The following ZP1 variants were observed in gnomAD, a reference collection of about 807,000 sequenced individuals.
ZP1 encodes the protein zona pellucida sperm-binding protein 1.
Under a neutral mutation model 67.4 loss-of-function variants are expected in ZP1, and 58 were observed. The ratio of observed to expected loss-of-function variants is 0.86; its 90% CI spans 0.70 to 1.07. ZP1 has a LOEUF of 1.07. Ranked by LOEUF, ZP1 falls within the 50% of genes least tolerant of loss-of-function variation. ZP1 has a pLI of 0.00. For missense variants in ZP1, 759 were observed against 807.3 expected, an observed-to-expected ratio of 0.94 and a Z score of 0.72; for synonymous variants, 333 against 332.7, an observed-to-expected ratio of 1.00 and a Z score of -0.01.
At position 60,871,146 on chromosome 11, in the gene ZP1, T is replaced by C. The variant is rs1234958502; in HGVS notation, c.1014+2T>C. On this transcript the variant is annotated splice_donor_variant, in intron 5 of 11. Transcript: ENST00000278853. LOFTEE classifies it high-confidence loss of function. Reference sequence around the variant, plus strand: ...ACCCACTGTGGAACCACAATGCAGGTAGGAGCCGGGACCACAGGCTGGGGC... The same window carrying C: ...ACCCACTGTGGAACCACAATGCAGGCAGGAGCCGGGACCACAGGCTGGGGC... 2 of 1,613,888 alleles carry C rather than the reference T, an allele frequency of 1.2e-6. No homozygotes were observed. Among genetic ancestry groups the C allele is most frequent in the Non-Finnish European group, 1.7e-6 (2 of 1,179,962 alleles).
intron 6 of ZP1, 120 bp from the exon 7 acceptor site, chr11:60,873,042 T>A: frequency 2.6e-6 from 3 of 1,152,426 alleles, no homozygotes; most frequent in East Asian, 2.4e-5. Context: ...GTAGCATCCA[T>A]CTGCCCTGCT....
rs1474150341 is a variant in ZP1, at chr11:60,871,063, C to T, written c.933C>T (p.Pro311=). The change falls in exon 5 of 12, where the codon CCC becomes CCT. Residue 311 remains proline, a synonymous_variant. Coordinates refer to ENST00000278853, the MANE Select transcript of ZP1 (RefSeq NM_207341.4). ...CCAACATCCACCTGGCCTATGCCCC[C>T]ACCAGCTGCTCCCCAACACAGCACA... ...TLANIHLAYA[P]TSCSPTQHTE... 2 of 1,614,268 alleles carry T rather than the reference C, an allele frequency of 1.2e-6. No individual in the cohort carries two copies. Among genetic ancestry groups the T allele is most frequent in the Admixed American group, 1.7e-5 (1 of 60,036 alleles).
Position 60,875,140 on chromosome 11 carries a change from T to A in ZP1, c.1666T>A (p.Ser556Thr), listed in dbSNP as rs1329425979. 1 of 1,613,940 alleles carries A rather than the reference T, an allele frequency of 6.2e-7. No homozygotes were observed. Among genetic ancestry groups the A allele is most frequent in the South Asian group, 1.1e-5 (1 of 91,084 alleles). The part of the protein sequence containing the change: ...CSTGTTRQRR[S>T]SGHRNDTARP... ...CTTCCCCTGGGCAGGACAGCGACGA[T>A]CCTCAGGTCACCGTAATGACACTGC... Residue 556 changes from serine (S) to threonine (T), a missense_variant, in exon 11 of 12, where the codon TCC becomes ACC. Physicochemically the swap from Ser to Thr is moderately conservative, Grantham distance 58. Transcript: ENST00000278853.
chr11:60,870,743 T>C (rs990020344), intron 4 of ZP1: 17 of 679,330 alleles, frequency 2.5e-5, no homozygotes, highest in Non-Finnish European at 3.9e-5. Context: ...ACAGATTATA[T>C]GGTGAACCTA....
At position 60,869,161 on chromosome 11, in the gene ZP1, A is replaced by G; in HGVS notation, c.213A>G (p.Arg71=). Residue 71 remains arginine (R), a synonymous_variant, in exon 2 of 12, where the codon CGA becomes CGG. Coordinates refer to ENST00000278853, the MANE Select transcript of ZP1 (RefSeq NM_207341.4). ...RFKVVDEFGN[R]FDVNNCSICY... ...CCACTGCAGATGAATTTGGGAACCG[A>G]TTTGATGTCAACAACTGCTCCATCT... is the stretch of plus-strand genomic sequence containing the variant. 2 of 1,613,990 alleles carry G rather than the reference A, an allele frequency of 1.2e-6. No homozygotes were observed. Among genetic ancestry groups the G allele is most frequent in the South Asian group, 2.2e-5 (2 of 91,058 alleles).
chr11:60,872,110 G>A (rs189805799), intron 6 of ZP1, among the ~76,000 whole-genome samples: 2 of 152,284 alleles, frequency 1.3e-5, no homozygotes, highest in African/African-American at 2.4e-5. Flanking sequence ...GGTAGCTCAC[G>A]CCTATGATAC....
chr11:60,869,812 C>T lies in ZP1; in HGVS notation c.594C>T (p.Ser198=), dbSNP rs771193513. The change falls in exon 3 of 12, where the codon TCC becomes TCT. Residue 198 remains serine, a synonymous_variant. Transcript: ENST00000278853. ...SSVHPTPALP[S]PGPGPTLATL... is the part of the protein sequence containing the mutation. ...TCCACCCAACCCCTGCTTTACCATC[C>T]CCTGGACCTGGACCTACCCTCGCCA... The T allele has an allele frequency of 3.1e-6, 5 of 1,613,018 alleles. No homozygotes were observed. The East Asian group carries it at 6.7e-5, about 22-fold the overall frequency.
At chr11:60,870,782 C>T in intron 4 of ZP1, 175 bp from the exon 5 acceptor site, 1 of 773,710 alleles carries the variant, frequency 1.3e-6, no homozygotes, top group Non-Finnish European at 2.1e-6. Context: ...ACTCATTTGT[C>T]ACATGGATGA....
chr11:60,869,632 T>A lies in ZP1; in HGVS notation c.414T>A (p.Pro138=), dbSNP rs748845974. Residue 138 remains proline, a synonymous_variant, in exon 3 of 12, where the codon CCT becomes CCA. Coordinates refer to ENST00000278853, the MANE Select transcript of ZP1 (RefSeq NM_207341.4). ...ACGCTACTCTGATCTGTCCCAAACC[T>A]GACCCCTCCCGGACTCTGGACTCCC... ...AQDATLICPK[P]DPSRTLDSQL... 8 of 1,614,162 alleles carry A rather than the reference T, an allele frequency of 5.0e-6. No individual in the cohort carries two copies. The highest frequency in any genetic ancestry group is 6.8e-6 in the Non-Finnish European group (8 of 1,180,022).
At position 60,867,618 on chromosome 11, in the gene ZP1, T is replaced by C. The variant is rs550479; in HGVS notation, c.57T>C (p.Val19=). 0.99 allele frequency: 1,604,920 copies of C among 1,613,562 alleles called. 798,532 individuals carry two copies. Among genetic ancestry groups the C allele is most frequent in the East Asian group, 1 (44,870 of 44,870 alleles). Residue 19 remains valine, a synonymous_variant, in exon 1 of 12, where the codon GTT becomes GTC. Coordinates refer to ENST00000278853, the MANE Select transcript of ZP1 (RefSeq NM_207341.4). ...WGYPVALLLL[V]ATLGLGRWLQ... Reference sequence around the variant, plus strand: ...ACCCTGTGGCCCTGCTACTGCTGGTTGCCACCCTGGGGCTGGGTAGGTGGC... The same window carrying C: ...ACCCTGTGGCCCTGCTACTGCTGGTCGCCACCCTGGGGCTGGGTAGGTGGC...
intron 6 of ZP1, among the ~76,000 whole-genome samples, chr11:60,871,685 T>G (rs1303526481): frequency 6.6e-6 from 1 of 152,200 alleles, no homozygotes; most frequent in Non-Finnish European, 1.5e-5. Context: ...AGGCTGAGGC[T>G]ACGGCTGTTG....
chr11:60,870,004 T>C (rs554552549), intron 3 of ZP1, 104 bp downstream of exon 3: 1 of 1,344,876 alleles, frequency 7.4e-7, no homozygotes, highest in Admixed American at 2.9e-5. Context: ...CTTTTTTTGT[T>C]TTTTTCTTTT....
At position 60,870,388 on chromosome 11, in the gene ZP1, G is replaced by A. The variant is rs147134504; in HGVS notation, c.739G>A (p.Val247Met). The change falls in exon 4 of 12, where the codon GTG (valine) becomes ATG (methionine). Residue 247 changes from valine to methionine, a missense_variant. By Grantham distance (21) the Val-to-Met change is conservative. Transcript: ENST00000278853. ...QVASGHLPCIVRRTSKEACQQ... is the reference protein window; with the variant it reads ...QVASGHLPCIMRRTSKEACQQ... ...GGCCTCAGGGCACCTCCCCTGCATC[G>A]TGAGAAGAACTTCAAAAGAAGCCTG... 4.6e-5 allele frequency: 75 copies of A among 1,613,336 alleles called. No homozygotes were observed. Among genetic ancestry groups the A allele is most frequent in the Admixed American group, 3.8e-4 (23 of 59,970 alleles).
Position 60,869,851 on chromosome 11 carries a change from C to A in ZP1, c.633C>A (p.Pro211=). The A allele has an allele frequency of 6.3e-7, 1 of 1,595,884 alleles. No homozygotes were observed. Among genetic ancestry groups the A allele is most frequent in the South Asian group, 1.1e-5 (1 of 87,908 alleles). ...PGPTLATLAQ[P]HWGTLEHWDV... ...CTACCCTCGCCACCCTGGCTCAACC[C>A]CACTGGGGCACCTTGGAACACTGGG... Residue 211 remains proline (P), a synonymous_variant, in exon 3 of 12, where the codon CCC becomes CCA. Coordinates refer to ENST00000278853, the MANE Select transcript of ZP1 (RefSeq NM_207341.4).
At position 60,870,478 on chromosome 11, in the gene ZP1, A is replaced by T; in HGVS notation, c.826+3A>T. 4.4e-6 allele frequency: 7 copies of T among 1,601,346 alleles called. No homozygotes were observed. Among genetic ancestry groups the T allele is most frequent in the Non-Finnish European group, 5.1e-6 (6 of 1,173,022 alleles). On this transcript the variant is annotated splice_donor_region_variant and intron_variant, in intron 4 of 11. Coordinates refer to ENST00000278853, the MANE Select transcript of ZP1 (RefSeq NM_207341.4). ...TCCCTGTTACTATGGCAACACAGGT[A>T]CAACCTCCCACCCCAGCAAGATCCT... is the stretch of plus-strand genomic sequence containing the variant.
chr11:60,873,548 C>T lies in ZP1; in HGVS notation c.1414C>T (p.Pro472Ser). 6.2e-7 allele frequency: 1 copy of T among 1,612,874 alleles called. No individual in the cohort carries two copies. Among genetic ancestry groups the T allele is most frequent in the Non-Finnish European group, 8.5e-7 (1 of 1,179,104 alleles). Reference protein sequence around the residue: ...SANPFQQPQWPILSDGCPFKG... With the variant: ...SANPFQQPQWSILSDGCPFKG... The stretch of plus-strand genomic sequence containing the variant: ...CAACCCCTTCCAGCAGCCCCAGTGG[C>T]CCATCCTGTCAGACGGGTGAGTGCC... The change falls in exon 8 of 12, where the codon CCC becomes TCC. Residue 472 changes from proline to serine, a missense_variant. Coordinates refer to ENST00000278853, the MANE Select transcript of ZP1 (RefSeq NM_207341.4).
chr11:60,870,764 G>A (rs558439972), intron 4 of ZP1, 193 bp from the exon 5 acceptor site: 5 of 723,254 alleles, frequency 6.9e-6, no homozygotes, highest in Non-Finnish European at 1.1e-5. Flanking sequence ...CTTTTAGAGT[G>A]TAGTTCAACT....
intron 6 of ZP1, among the ~76,000 whole-genome samples, chr11:60,872,503 G>A (rs372145906): frequency 2.6e-5 from 4 of 152,206 alleles, no homozygotes; most frequent in African/African-American, 9.6e-5. Context: ...CCCCACCAGA[G>A]TGTGGAGGAG....
rs756837058 is a variant in ZP1 at position 60,869,702 on chromosome 11, C to T, written c.484C>T (p.Leu162Phe). Residue 162 changes from leucine to phenylalanine, a missense_variant, in exon 3 of 12, where the codon CTT (leucine) becomes TTT (phenylalanine). Leu to Phe is a conservative substitution (Grantham distance 22). Transcript: ENST00000278853. ...GTTCTCTGTCTCAACCCCACAAACCCTTTCCTTCCTCCCCACCTCTGGCCA... is the reference window on the plus strand; with the variant it reads ...GTTCTCTGTCTCAACCCCACAAACCTTTTCCTTCCTCCCCACCTCTGGCCA... ...AMFSVSTPQT[L>F]SFLPTSGHTS... 1.9e-6 allele frequency: 3 copies of T among 1,614,134 alleles called. No individual in the cohort carries two copies. Among genetic ancestry groups the T allele is most frequent in the South Asian group, 2.2e-5 (2 of 91,074 alleles).
Sources: allele counts gnomAD v4.1 joint callset (sites outside exome capture counted in the v4.1 genomes callset), GRCh38; gene constraint gnomAD v4.1.1; transcripts MANE v1.5; gene names NCBI Gene and HGNC (gene_info 2026-07-23, HGNC 2026-07-21).